The following NAALADL2 variants were observed in gnomAD, a reference collection of about 807,000 sequenced individuals.
NAALADL2 encodes the protein N-acetylated alpha-linked acidic dipeptidase like 2.
Under a neutral mutation model 87.2 loss-of-function variants are expected in NAALADL2, and 76 were observed. That is an observed-to-expected ratio of 0.87 (90% CI 0.72 to 1.05). NAALADL2 has a LOEUF of 1.05. Among genes scored for constraint, NAALADL2 ranks in the 50% least tolerant of loss-of-function variants. The pLI, the probability that NAALADL2 is intolerant of heterozygous loss-of-function variation, is 0.00. For synonymous variants in NAALADL2, 354 were observed against 331.0 expected, an observed-to-expected ratio of 1.07 and a Z score of -0.75; for missense variants, 1,089 against 945.8, an observed-to-expected ratio of 1.15 and a Z score of -1.99.
intron 1 of NAALADL2, among the ~76,000 whole-genome samples, chr3:175,006,708 T>G (rs986245774): frequency 6.6e-5 from 10 of 152,050 alleles, no homozygotes; most frequent in African/African-American, 2.4e-4. Flanking sequence ...AACAGCCACC[T>G]CTAAGTCAGT....
intron 9 of NAALADL2, among the ~76,000 whole-genome samples, chr3:175,476,239 T>A (rs1205488780): frequency 6.6e-6 from 1 of 152,178 alleles, no homozygotes; most frequent in African/African-American, 2.4e-5. Context: ...ATATCCCGTT[T>A]GTTGCAAAGC....
At chr3:175,169,334 G>T (rs1453769407) in intron 2 of NAALADL2, among the ~76,000 whole-genome samples, 1 of 151,380 alleles carries the variant, frequency 6.6e-6, no homozygotes, top group Admixed American at 6.6e-5. Context: ...TGGACAGCTA[G>T]CTTTAAGTTC....
At chr3:174,517,357 T>C (rs968681942) in intron 1 of NAALADL2, among the ~76,000 whole-genome samples, 1 of 152,204 alleles carries the variant, frequency 6.6e-6, no homozygotes, top group South Asian at 2.1e-4. Flanking sequence ...ATCTTAGCAG[T>C]TCCTTTTCAT....
intron 3 of NAALADL2, among the ~76,000 whole-genome samples, chr3:175,251,677 A>T (rs1749097045): frequency 6.6e-6 from 1 of 152,186 alleles, no homozygotes. Context: ...ATGACTTGGC[A>T]TTTTATCATA....
chr3:175,368,372 A>C (rs1765950907), intron 5 of NAALADL2, among the ~76,000 whole-genome samples: 1 of 152,172 alleles, frequency 6.6e-6, no homozygotes, highest in African/African-American at 2.4e-5. Flanking sequence ...TGGCCTCATA[A>C]AATGAGTTAG....
chr3:175,376,803 C>T (rs1767181093), intron 5 of NAALADL2, among the ~76,000 whole-genome samples: 1 of 152,034 alleles, frequency 6.6e-6, no homozygotes, highest in African/African-American at 2.4e-5. Context: ...TTTATATCAG[C>T]CTTTCTTTTT....
Position 174,920,834 on chromosome 3 carries a change from A to AT in NAALADL2, c.43+61385dup, listed in dbSNP as rs1169829212. ...ATGTTACTCTTCTTTTCACTTTAAC[A>AT]TGTAGAAGCCATGTAATTAATTGTC... On this transcript the variant is annotated intron_variant, in intron 1 of 13. Coordinates refer to ENST00000454872, the MANE Select transcript of NAALADL2 (RefSeq NM_207015.3). Among the ~76,000 whole-genome samples, 7 of 152,154 alleles carry AT rather than the reference A, an allele frequency of 4.6e-5. No individual in the cohort carries two copies. The East Asian group carries it at 9.6e-4, about 21-fold the overall frequency.
chr3:174,808,106 T>C (rs1199905500), intron 3 of NAALADL2, among the ~76,000 whole-genome samples: 1 of 152,114 alleles, frequency 6.6e-6, no homozygotes, highest in East Asian at 1.9e-4. Flanking sequence ...AAATGAATAA[T>C]TTGGTATTTC....
Position 175,650,568 on chromosome 3 carries a change from AC to A in NAALADL2, c.1896+23183del, listed in dbSNP as rs372872078. On this transcript the variant is annotated intron_variant, in intron 11 of 13. Transcript: ENST00000454872. ...ATATGTCTCCCTGCATCATTTCAGT[AC>A]TATCAAAGTGAAATTCTTGCCAGTT... 6.6e-5 allele frequency among the ~76,000 whole-genome samples: 10 copies of A among 152,286 alleles called. No individual in the cohort carries two copies. The East Asian group carries it at 1.9e-3, about 29-fold the overall frequency.
chr3:175,621,795 A>G (rs1274328139), intron 10 of NAALADL2, among the ~76,000 whole-genome samples: 1 of 152,194 alleles, frequency 6.6e-6, no homozygotes, highest in East Asian at 1.9e-4. Context: ...ATACCATTTT[A>G]TGTAAGGGAG....
intron 2 of NAALADL2, among the ~76,000 whole-genome samples, chr3:175,186,645 C>T (rs1355717343): frequency 7.2e-5 from 11 of 151,972 alleles, no homozygotes; most frequent in African/African-American, 1.4e-4. Context: ...TGAATTTTGA[C>T]GCCAAGTGCA....
In NAALADL2 at chr3:175,480,202, C is replaced by A. The variant is rs377499471; in HGVS notation, c.1653+8444C>A. Among the ~76,000 whole-genome samples the A allele has an allele frequency of 3.3e-5, 5 of 151,834 alleles. No homozygotes were observed. The South Asian group carries it at 8.3e-4, about 25-fold the overall frequency. On this transcript the variant is annotated intron_variant, in intron 9 of 13. Transcript: ENST00000454872. ...TATTTATAGTTTATCTATATTGTGC[C>A]TTAACAAATTCTGGCTCTAAATCTA...
intron 1 of NAALADL2, among the ~76,000 whole-genome samples, chr3:175,003,032 T>C (rs1176353870): frequency 6.6e-6 from 1 of 152,204 alleles, no homozygotes; most frequent in Non-Finnish European, 1.5e-5. Flanking sequence ...TTCATAAACA[T>C]TTGTATTAGT....
chr3:174,540,577 A>C (rs1042669965), intron 1 of NAALADL2, among the ~76,000 whole-genome samples: 1 of 152,226 alleles, frequency 6.6e-6, no homozygotes, highest in African/African-American at 2.4e-5. Flanking sequence ...ACTAGCCGGA[A>C]GACTTCTTAC....
chr3:175,809,650 A>T lies in NAALADL2; in HGVS notation c.*6447A>T, dbSNP rs1171683683. Reference sequence around the variant, plus strand: ...CAAAAGTTTGAAGCTGCAGTGAGCTAAAATCATGCCACTGTAGTCCAGCCT... The same window carrying T: ...CAAAAGTTTGAAGCTGCAGTGAGCTTAAATCATGCCACTGTAGTCCAGCCT... On this transcript the variant is annotated 3_prime_UTR_variant, in exon 14 of 14. Transcript: ENST00000454872. 3 of 152,034 alleles carry T rather than the reference A, an allele frequency of 2.0e-5. No individual in the cohort carries two copies. The East Asian group carries it at 5.8e-4, about 29-fold the overall frequency. The allele number at this position is 152,034 out of a possible 1,614,324, so 9.4% of individuals were successfully genotyped here. A position where few individuals can be genotyped will look rare whatever the true frequency, so the allele number is the denominator to read the frequency against.
chr3:175,736,254 A>T (rs1583057818), intron 11 of NAALADL2, among the ~76,000 whole-genome samples: 2 of 152,196 alleles, frequency 1.3e-5, no homozygotes, highest in East Asian at 3.9e-4. Flanking sequence ...ATGTACGAAG[A>T]TTGCAGATAT....
Position 175,290,387 on chromosome 3 carries a change from A to T in NAALADL2, c.940-33788A>T, listed in dbSNP as rs868496877. 3.3e-5 allele frequency among the ~76,000 whole-genome samples: 5 copies of T among 152,340 alleles called. No individual in the cohort carries two copies. The Middle Eastern group carries it at 0.01, about 311-fold the overall frequency. On this transcript the variant is annotated intron_variant, in intron 4 of 13. Transcript: ENST00000454872. ...GATTCCATTTATATGAAAATTTAGAAAAAGCAAATCTAATCTAGGGAGAGA... is the reference window on the plus strand; with the variant it reads ...GATTCCATTTATATGAAAATTTAGATAAAGCAAATCTAATCTAGGGAGAGA...
chr3:175,213,176 A>G (rs534308536), intron 2 of NAALADL2, among the ~76,000 whole-genome samples: 9 of 152,172 alleles, frequency 5.9e-5, no homozygotes, highest in Non-Finnish European at 8.8e-5. Flanking sequence ...CTTGTCCAAG[A>G]TCTCGCATTT....
intron 10 of NAALADL2, among the ~76,000 whole-genome samples, chr3:175,617,350 G>C (rs1210679382): frequency 6.6e-6 from 1 of 152,120 alleles, no homozygotes; most frequent in Non-Finnish European, 1.5e-5. Flanking sequence ...GGACCCATTT[G>C]GTCCTGCTGG....
Sources: gnomAD v4.1 joint callset for allele counts (sites outside exome capture counted in the v4.1 genomes callset) on GRCh38, gnomAD v4.1.1 for gene constraint, MANE v1.5 for transcripts, NCBI Gene and HGNC (gene_info 2026-07-23, HGNC 2026-07-21) for gene names.